The following FAM13A variants were observed in gnomAD, a reference collection of about 807,000 sequenced individuals.
FAM13A encodes the protein protein FAM13A.
FAM13A carries 76 observed loss-of-function variants against 129.6 expected under a neutral mutation model. That is an observed-to-expected ratio of 0.59 (90% CI 0.49 to 0.71). The LOEUF is 0.71. FAM13A is among the 30% of genes least tolerant of loss of function. FAM13A has a pLI of 0.00. For synonymous variants in FAM13A, 443 were observed against 449.9 expected (o/e 0.98, Z 0.20); for missense variants, 1,108 against 1,249.3 (o/e 0.89, Z 1.70).
In FAM13A at chr4:88,781,209, T is replaced by C; in HGVS notation, c.1414A>G (p.Ser472Gly). Residue 472 changes from serine to glycine, a missense_variant, in exon 11 of 24, where the codon AGT becomes GGT. Physicochemically the swap from Ser to Gly is moderately conservative, Grantham distance 56. Transcript: ENST00000264344. The stretch of plus-strand genomic sequence containing the variant: ...TCATGAAGCTCAGAAAGTTTAGTAC[T>C]GGATTTCTGACGTTTAGGCTTGCTC... ...ERSKPKRQKSSTKLSELHDNQ... is the reference protein window; with the variant it reads ...ERSKPKRQKSGTKLSELHDNQ... The C allele has an allele frequency of 6.2e-7, 1 of 1,611,736 alleles. No individual in the cohort carries two copies. Among genetic ancestry groups the C allele is most frequent in the Non-Finnish European group, 8.5e-7 (1 of 1,178,890 alleles).
chr4:89,024,522 G>A (rs533659423), intron 2 of FAM13A, among the ~76,000 whole-genome samples: 1 of 152,058 alleles, frequency 6.6e-6, no homozygotes, highest in Admixed American at 6.5e-5. Context: ...TTGCATTTAC[G>A]TGAAACAATA....
intron 2 of FAM13A, among the ~76,000 whole-genome samples, chr4:89,024,563 T>C (rs1767689035): frequency 6.6e-6 from 1 of 152,200 alleles, no homozygotes; most frequent in African/African-American, 2.4e-5. Flanking sequence ...CAACCTATGA[T>C]TGAATTACAT....
At chr4:88,987,452 A>G (rs1409420529) in intron 4 of FAM13A, among the ~76,000 whole-genome samples, 11 of 152,326 alleles carry the variant, frequency 7.2e-5, no homozygotes, top group Middle Eastern at 3.4e-3. Context: ...ACTTTAACTA[A>G]CAAAGCAAAC....
At chr4:88,786,959 G>A (rs1578654685) in intron 10 of FAM13A, among the ~76,000 whole-genome samples, 1 of 151,640 alleles carries the variant, frequency 6.6e-6, no homozygotes, top group East Asian at 1.9e-4. Context: ...CATTTAATAA[G>A]GAGTCATTAT....
intron 5 of FAM13A, among the ~76,000 whole-genome samples, chr4:88,921,548 G>A (rs1040064997): frequency 4.6e-5 from 7 of 152,124 alleles, no homozygotes; most frequent in Admixed American, 2.0e-4. Context: ...GCTCCTGAAG[G>A]AAGCACTAAA....
intron 19 of FAM13A, among the ~76,000 whole-genome samples, chr4:88,740,138 A>G (rs1050135060): frequency 1.3e-5 from 2 of 152,138 alleles, no homozygotes; most frequent in Non-Finnish European, 2.9e-5. Flanking sequence ...CTACCCTGCC[A>G]TGGCTTCCTC....
chr4:88,952,897 G>A (rs1419240244), intron 4 of FAM13A, among the ~76,000 whole-genome samples: 1 of 152,108 alleles, frequency 6.6e-6, no homozygotes, highest in African/African-American at 2.4e-5. Context: ...GCAGTGAGTC[G>A]AGATCGTGCC....
At chr4:88,893,391 A>G (rs542569222) in intron 6 of FAM13A, among the ~76,000 whole-genome samples, 5 of 152,298 alleles carry the variant, frequency 3.3e-5, no homozygotes, top group East Asian at 3.9e-4. Context: ...TTGGGAGGCC[A>G]AGGCGGGCGG....
chr4:88,998,261 G>C (rs1007700471), intron 3 of FAM13A, among the ~76,000 whole-genome samples: 3 of 152,170 alleles, frequency 2.0e-5, no homozygotes, highest in Non-Finnish European at 4.4e-5. Context: ...AATCTGTTAT[G>C]GTAGCAATAG....
chr4:88,737,394 T>G, intron 21 of FAM13A, 78 bp downstream of exon 21: 1 of 1,229,254 alleles, frequency 8.1e-7, no homozygotes, highest in Non-Finnish European at 1.2e-6. Context: ...CACACCCCCT[T>G]TCCATTCACC....
chr4:88,894,422 A>G (rs1745932642), intron 6 of FAM13A, among the ~76,000 whole-genome samples: 1 of 152,234 alleles, frequency 6.6e-6, no homozygotes, highest in African/African-American at 2.4e-5. Flanking sequence ...ATTTTTATAT[A>G]ATGTTTTAAA....
At chr4:88,806,676 C>A (rs1728628081) in intron 7 of FAM13A, among the ~76,000 whole-genome samples, 1 of 152,108 alleles carries the variant, frequency 6.6e-6, no homozygotes, top group Admixed American at 6.6e-5. Context: ...GGTGTTAACT[C>A]TTCCCAGGTG....
intron 4 of FAM13A, chr4:88,989,840 T>C (rs890137900): frequency 5.3e-5 from 8 of 152,224 alleles, no homozygotes; most frequent in African/African-American, 1.9e-4. Flanking sequence ...TACAAATTCA[T>C]TTTTACCTGT....
At chr4:89,038,883 G>T (rs1462076365) in intron 1 of FAM13A, among the ~76,000 whole-genome samples, 1 of 152,018 alleles carries the variant, frequency 6.6e-6, no homozygotes, top group African/African-American at 2.4e-5. Flanking sequence ...GTGTCAAAAA[G>T]ATTACCTCAC....
intron 6 of FAM13A, among the ~76,000 whole-genome samples, chr4:88,857,167 CT>C (rs1738663505): frequency 6.6e-6 from 1 of 151,882 alleles, no homozygotes; most frequent in Admixed American, 6.6e-5. Context: ...ACATGCTTAT[CT>C]TTTTTTGTAA....
intron 3 of FAM13A, among the ~76,000 whole-genome samples, chr4:88,999,889 A>G (rs1230232408): frequency 6.6e-6 from 1 of 152,220 alleles, no homozygotes; most frequent in Non-Finnish European, 1.5e-5. Flanking sequence ...TCTTTAACCA[A>G]ATTTTTAATA....
At chr4:89,032,244 C>CAA (rs778575945) in intron 1 of FAM13A, among the ~76,000 whole-genome samples, 30 of 133,558 alleles carry the variant, frequency 2.2e-4, no homozygotes, top group African/African-American at 4.1e-4. Context: ...GACTCCGTCT[C>CAA]AAAAAAAAAA....
At chr4:88,993,524 A>C (rs1158565302) in intron 3 of FAM13A, among the ~76,000 whole-genome samples, 3 of 152,238 alleles carry the variant, frequency 2.0e-5, no homozygotes, top group East Asian at 3.8e-4. Context: ...AGGTCTAATA[A>C]AACGAAGATT....
chr4:88,942,663 C>G (rs2148831353), intron 4 of FAM13A, among the ~76,000 whole-genome samples: 1 of 80,420 alleles, frequency 1.2e-5, no homozygotes. Context: ...AAAAAGCTAA[C>G]AATGCAAGAT....
Sources: allele counts gnomAD v4.1 joint callset (sites outside exome capture counted in the v4.1 genomes callset), GRCh38; gene constraint gnomAD v4.1.1; transcripts MANE v1.5; gene names NCBI Gene and HGNC (gene_info 2026-07-23, HGNC 2026-07-21).